MAP4K3: variants seen among roughly 807,000 people sequenced by gnomAD.
MAP4K3 encodes the protein mitogen-activated protein kinase kinase kinase kinase 3.
A neutral mutation model predicts 143.5 loss-of-function variants in MAP4K3; 94 were observed. The ratio of observed to expected loss-of-function variants is 0.65; its 90% confidence interval spans 0.55 to 0.78. MAP4K3 has a LOEUF of 0.78. Ranked by LOEUF, MAP4K3 falls within the 30% of genes least tolerant of loss-of-function variation. The pLI, the probability that MAP4K3 is intolerant of heterozygous loss-of-function variation, is 0.00. For missense variants in MAP4K3, 1,077 were observed against 1,068.1 expected (o/e 1.01, Z -0.12); for synonymous variants, 416 against 347.2 (o/e 1.20, Z -2.20).
At chr2:39,350,864 C>T (rs915838187) in intron 3 of MAP4K3, among the ~76,000 whole-genome samples, 1 of 152,136 alleles carries the variant, frequency 6.6e-6, no homozygotes, top group Non-Finnish European at 1.5e-5. Context: ...TCCAACTACA[C>T]GTGGCCCTCT....
At chr2:39,403,307 TG>T (rs1233240266) in intron 1 of MAP4K3, among the ~76,000 whole-genome samples, 3 of 152,150 alleles carry the variant, frequency 2.0e-5, no homozygotes, top group African/African-American at 7.2e-5. Flanking sequence ...TCAAAGTACC[TG>T]GTTTTAACTT....
At chr2:39,424,436 C>A (rs1038884390) in intron 1 of MAP4K3, among the ~76,000 whole-genome samples, 2 of 151,986 alleles carry the variant, frequency 1.3e-5, no homozygotes, top group Non-Finnish European at 2.9e-5. Flanking sequence ...GGTGAACAGT[C>A]GTGGGCCCAC....
intron 15 of MAP4K3, among the ~76,000 whole-genome samples, chr2:39,300,731 C>T (rs953745569): frequency 6.6e-6 from 1 of 152,220 alleles, no homozygotes; most frequent in Non-Finnish European, 1.5e-5. Context: ...CACCTTGGAG[C>T]AGCCGCCTTC....
At position 39,383,616 on chromosome 2, in the gene MAP4K3, G is replaced by A. The variant is rs1666410247; in HGVS notation, c.97-5493C>T. Among the ~76,000 whole-genome samples the A allele has an allele frequency of 2.0e-5, 3 of 151,866 alleles. No individual in the cohort carries two copies. In the South Asian group the frequency reaches 6.3e-4, roughly 32 times the overall value. On this transcript the variant is annotated intron_variant, in intron 1 of 33. Coordinates refer to ENST00000263881, the MANE Select transcript of MAP4K3 (RefSeq NM_003618.4). The stretch of plus-strand genomic sequence containing the variant: ...CCTGGTTATGCCTATTGTACCGGTA[G>A]AATTATTAATAATTCTACCAGTACA...
intron 21 of MAP4K3, among the ~76,000 whole-genome samples, chr2:39,284,104 T>C (rs907204883): frequency 4.6e-5 from 7 of 152,250 alleles, no homozygotes; most frequent in African/African-American, 1.7e-4. Flanking sequence ...TTTTTTCTTA[T>C]ATTGATGTTA....
chr2:39,297,627 G>C (rs1682337237), intron 16 of MAP4K3, among the ~76,000 whole-genome samples: 1 of 152,108 alleles, frequency 6.6e-6, no homozygotes, highest in Non-Finnish European at 1.5e-5. Flanking sequence ...ACCCGTCAAT[G>C]GAAATCTGTC....
chr2:39,374,420 G>A (rs867727929), intron 2 of MAP4K3, among the ~76,000 whole-genome samples: 2 of 151,952 alleles, frequency 1.3e-5, no homozygotes, highest in African/African-American at 4.8e-5. Flanking sequence ...GGTGGTTCAC[G>A]CTTGTTAACC....
At chr2:39,343,262 G>T (rs2148535439) in intron 4 of MAP4K3, 126 bp downstream of exon 4, 1 of 580,644 alleles carries the variant, frequency 1.7e-6, no homozygotes, top group Non-Finnish European at 2.9e-6. Context: ...CCTTTATATA[G>T]CCAAACAATA....
chr2:39,355,680 G>A (rs764835187), intron 3 of MAP4K3, among the ~76,000 whole-genome samples: 2 of 152,158 alleles, frequency 1.3e-5, no homozygotes, highest in African/African-American at 2.4e-5. Flanking sequence ...TAAGGTGATC[G>A]CCTATGCAAT....
intron 4 of MAP4K3, among the ~76,000 whole-genome samples, chr2:39,339,261 T>C (rs1339222712): frequency 6.6e-6 from 1 of 152,240 alleles, no homozygotes; most frequent in Non-Finnish European, 1.5e-5. Flanking sequence ...ACCATGTAAC[T>C]TATTTCTGTG....
At chr2:39,393,017 A>C (rs576367687) in intron 1 of MAP4K3, among the ~76,000 whole-genome samples, 1 of 152,326 alleles carries the variant, frequency 6.6e-6, no homozygotes, top group African/African-American at 2.4e-5. Context: ...CCACTTCTCT[A>C]AGTAAATCTG....
intron 7 of MAP4K3, 37 bp downstream of exon 7, chr2:39,333,495 T>C: frequency 1.3e-6 from 2 of 1,519,280 alleles, no homozygotes; most frequent in South Asian, 1.1e-5. Flanking sequence ...TATCTTAGAA[T>C]AGATTTGTGC....
intron 22 of MAP4K3, among the ~76,000 whole-genome samples, chr2:39,280,594 G>T (rs79579910): frequency 6.6e-6 from 1 of 151,868 alleles, no homozygotes; most frequent in Non-Finnish European, 1.5e-5. Flanking sequence ...AAAAAAAAAG[G>T]TCTTATTTTT....
At chr2:39,338,855 T>C (rs1266586656) in intron 4 of MAP4K3, among the ~76,000 whole-genome samples, 1 of 152,220 alleles carries the variant, frequency 6.6e-6, no homozygotes, top group Non-Finnish European at 1.5e-5. Context: ...CTATGAGAAA[T>C]GGGTCCTTGC....
chr2:39,293,295 A>C (rs1682130925), intron 16 of MAP4K3, 27 bp from the exon 17 acceptor site: 1 of 1,319,504 alleles, frequency 7.6e-7, no homozygotes, highest in Non-Finnish European at 1.1e-6. Context: ...AAAACAAAAA[A>C]TAATGTGAAT....
intron 24 of MAP4K3, among the ~76,000 whole-genome samples, chr2:39,273,904 G>A (rs1681140630): frequency 1.3e-5 from 2 of 152,174 alleles, no homozygotes; most frequent in Admixed American, 6.5e-5. Flanking sequence ...TAGAGAAGGG[G>A]CAATGACTTA....
chr2:39,327,729 G>T (rs555506195), intron 8 of MAP4K3, among the ~76,000 whole-genome samples: 1 of 152,242 alleles, frequency 6.6e-6, no homozygotes, highest in Admixed American at 6.5e-5. Flanking sequence ...TAAGAAAAGC[G>T]AATTTCAAAG....
intron 31 of MAP4K3, among the ~76,000 whole-genome samples, chr2:39,254,942 T>G (rs1230100215): frequency 6.6e-6 from 1 of 152,088 alleles, no homozygotes; most frequent in Non-Finnish European, 1.5e-5. Context: ...AAAATATACG[T>G]GTATCCACCA....
At chr2:39,409,404 T>C (rs1020171321) in intron 1 of MAP4K3, among the ~76,000 whole-genome samples, 1 of 152,194 alleles carries the variant, frequency 6.6e-6, no homozygotes, top group Admixed American at 6.5e-5. Context: ...TGTTCAAGGA[T>C]CCACTCTAAT....
Sources: gnomAD v4.1 joint callset for allele counts (sites outside exome capture counted in the v4.1 genomes callset) on GRCh38, gnomAD v4.1.1 for gene constraint, MANE v1.5 for transcripts, NCBI Gene and HGNC (gene_info 2026-07-23, HGNC 2026-07-21) for gene names.